Variants in CHEK2 observed in about 807,000 individuals in gnomAD.
The protein encoded by CHEK2 is serine/threonine-protein kinase Chk2.
In CHEK2, 71 loss-of-function variants were observed where a neutral mutation model predicts 69.1. That is an observed-to-expected ratio of 1.03 (90% confidence interval 0.85 to 1.25). CHEK2 has a LOEUF of 1.25. Ranked by LOEUF, CHEK2 falls within the 50% of genes most tolerant of loss-of-function variation. The pLI, the probability that CHEK2 is intolerant of heterozygous loss-of-function variation, is 0.00. For missense variants in CHEK2, 664 were observed against 649.6 expected, an observed-to-expected ratio of 1.02 and a Z score of -0.24; for synonymous variants, 189 against 226.9, an observed-to-expected ratio of 0.83 and a Z score of 1.50.
At position 28,725,346 on chromosome 22, in the gene CHEK2, C is replaced by A. The variant is rs1555927374; in HGVS notation, c.341G>T (p.Trp114Leu). 6.2e-7 allele frequency: 1 copy of A among 1,614,094 alleles called. No individual in the cohort carries two copies. The stretch of plus-strand genomic sequence containing the variant: ...TTCACAGCTTTTGTCCCTCCCAAAC[C>A]AGTAGTTGTCATTCACACATTCTGT... ...ANLECVNDNY[W>L]FGRDKSCEYC... The change falls in exon 3 of 15, where the codon TGG becomes TTG. Residue 114 changes from tryptophan to leucine, a missense_variant. By Grantham distance (61) the Trp-to-Leu change is moderately conservative. Coordinates refer to ENST00000404276, the MANE Select transcript of CHEK2 (RefSeq NM_007194.4).
chr22:28,718,805 C>T (rs1055412469), intron 5 of CHEK2, among the ~76,000 whole-genome samples: 1 of 151,090 alleles, frequency 6.6e-6, no homozygotes, highest in Non-Finnish European at 1.5e-5. Flanking sequence ...TCACTTGAGC[C>T]CTGGAAGTGG....
chr22:28,693,656 A>C (rs182438394), intron 13 of CHEK2, among the ~76,000 whole-genome samples: 1 of 152,116 alleles, frequency 6.6e-6, no homozygotes, highest in Non-Finnish European at 1.5e-5. Context: ...AATATCAAAA[A>C]GGTTGTAGCC....
intron 5 of CHEK2, among the ~76,000 whole-genome samples, chr22:28,718,288 G>A (rs2053651900): frequency 6.6e-6 from 1 of 152,158 alleles, no homozygotes; most frequent in South Asian, 2.1e-4. Context: ...AAATGTTGGA[G>A]AGGATGTGAA....
At chr22:28,704,158 ACAC>A (rs1267373194) in intron 7 of CHEK2, among the ~76,000 whole-genome samples, 4 of 141,900 alleles carry the variant, frequency 2.8e-5, no homozygotes, top group Non-Finnish European at 6.4e-5. Flanking sequence ...ACACACACAC[ACAC>A]ACCTATGGCT....
intron 4 of CHEK2, among the ~76,000 whole-genome samples, chr22:28,723,820 G>T (rs2053891027): frequency 6.6e-6 from 1 of 151,940 alleles, no homozygotes; most frequent in African/African-American, 2.4e-5. Flanking sequence ...GTGGTGGCAT[G>T]TGTCTGTGGT....
At chr22:28,710,896 C>G (rs950559183) in intron 6 of CHEK2, among the ~76,000 whole-genome samples, 1 of 152,174 alleles carries the variant, frequency 6.6e-6, no homozygotes, top group Non-Finnish European at 1.5e-5. Context: ...TAAAATTTTA[C>G]TCCCAGTTTT....
intron 8 of CHEK2, among the ~76,000 whole-genome samples, chr22:28,702,407 T>G (rs2052910920): frequency 6.7e-6 from 1 of 150,260 alleles, no homozygotes; most frequent in African/African-American, 2.5e-5. Flanking sequence ...CCCAGCTAAT[T>G]TTTTGTATTT....
chr22:28,692,487 GTTTGT>G (rs780084871), intron 13 of CHEK2, among the ~76,000 whole-genome samples: 179 of 152,130 alleles, frequency 1.2e-3, no homozygotes, highest in Non-Finnish European at 1.6e-3. Context: ...TTGTTTGTTT[GTTTGT>G]TTTAAGTTTT....
chr22:28,700,211 C>CTT (rs1188199517), intron 8 of CHEK2, among the ~76,000 whole-genome samples: 126 of 128,002 alleles, frequency 9.8e-4, no homozygotes, highest in African/African-American at 2.9e-3. Flanking sequence ...CCAGGAGTTG[C>CTT]TTTTTTTTTT....
At chr22:28,711,761 C>A in intron 6 of CHEK2, 148 bp downstream of exon 6, 1 of 657,612 alleles carries the variant, frequency 1.5e-6, no homozygotes, top group South Asian at 1.7e-5. Flanking sequence ...AAAGATGCCC[C>A]AAAATTTTCC....
rs778511901 is a variant in CHEK2 at position 28,710,076 on chromosome 22, A to C, written c.793-17T>G. On this transcript the variant is annotated splice_polypyrimidine_tract_variant and intron_variant, in intron 6 of 14. Transcript: ENST00000404276. ...AGCTGGGTCCTTTGATAAACAGAAT[A>C]ACAGAGTTTATTAGTAATAATAATT... 8 of 1,511,372 alleles carry C rather than the reference A, an allele frequency of 5.3e-6. No homozygotes were observed. The South Asian group carries it at 9.1e-5, about 17-fold the overall frequency. The allele number at this position is 1,511,372 out of a possible 1,614,324, so 93.6% of individuals were successfully genotyped here.
At chr22:28,727,877 A>C (rs1452262606) in intron 2 of CHEK2, 1 of 152,272 alleles carries the variant, frequency 6.6e-6, no homozygotes, top group African/African-American at 2.4e-5. Flanking sequence ...AAGAGGTATG[A>C]AAAAGCGGGT....
Position 28,696,954 on chromosome 22 carries a change from A to C in CHEK2, c.1042T>G (p.Leu348Val), listed in dbSNP as rs2052611352. Residue 348 changes from leucine to valine, a missense_variant, in exon 10 of 15, where the codon TTA (leucine) becomes GTA (valine). Leu to Val is a conservative substitution (Grantham distance 32). Transcript: ENST00000404276. ...LHENGIIHRD[L>V]KPENVLLSSQ... ...GACAGTAAAACATTCTCTGGCTTTA[A>C]GTCACGGTGTATAATACCGTTTTCA... 1 of 1,613,460 alleles carries C rather than the reference A, an allele frequency of 6.2e-7. No individual in the cohort carries two copies. The highest frequency in any genetic ancestry group is 8.5e-7 in the Non-Finnish European group (1 of 1,179,518).
chr22:28,691,976 C>T (rs1185547167), intron 13 of CHEK2, among the ~76,000 whole-genome samples: 1 of 152,216 alleles, frequency 6.6e-6, no homozygotes, highest in East Asian at 1.9e-4. Context: ...CAGTCTTCAT[C>T]CTTGTCTTCA....
Position 28,687,967 on chromosome 22 carries a change from C to A in CHEK2, c.1562G>T (p.Arg521Leu), listed in dbSNP as rs373959274. ...ACCCTCGGCTTCCCCTTCACGGGGC[C>A]GCTTTCGACTAGTAGAAGGCTGAAA... Reference protein sequence around the residue: ...VLAQPSTSRKRPREGEAEGAE... With the variant: ...VLAQPSTSRKLPREGEAEGAE... Residue 521 changes from arginine to leucine, a missense_variant, in exon 15 of 15, where the codon CGG becomes CTG. Coordinates refer to ENST00000404276, the MANE Select transcript of CHEK2 (RefSeq NM_007194.4). The A allele has an allele frequency of 6.3e-7, 1 of 1,596,066 alleles. No homozygotes were observed. Among genetic ancestry groups the A allele is most frequent in the Non-Finnish European group, 8.5e-7 (1 of 1,179,510 alleles).
chr22:28,728,647 A>G (rs2054089587), intron 2 of CHEK2, among the ~76,000 whole-genome samples: 1 of 152,014 alleles, frequency 6.6e-6, no homozygotes, highest in African/African-American at 2.4e-5. Context: ...GGCTGCAGTG[A>G]GCCAATATTG....
intron 5 of CHEK2, among the ~76,000 whole-genome samples, chr22:28,718,492 A>C (rs2053658508): frequency 6.6e-6 from 1 of 152,194 alleles, no homozygotes; most frequent in Non-Finnish European, 1.5e-5. Context: ...TGTTCATTTC[A>C]GCATTATTCA....
intron 7 of CHEK2, chr22:28,708,952 C>CAAAAA (rs374623367): frequency 1.3e-3 from 417 of 330,610 alleles, no homozygotes; most frequent in Admixed American, 1.6e-3. Context: ...GCCTCCGTCT[C>CAAAAA]AAAAAAAAAA....
intron 8 of CHEK2, 148 bp downstream of exon 8, chr22:28,703,357 C>A (rs1050873249): frequency 5.0e-6 from 3 of 600,716 alleles, no homozygotes; most frequent in Non-Finnish European, 3.0e-6. Context: ...TGATATTAAC[C>A]CCCTATACAC....
Sources: allele counts gnomAD v4.1 joint callset (sites outside exome capture counted in the v4.1 genomes callset), GRCh38; gene constraint gnomAD v4.1.1; transcripts MANE v1.5; gene names NCBI Gene and HGNC (gene_info 2026-07-23, HGNC 2026-07-21).